The following IL31RA variants were observed in gnomAD, a reference collection of about 807,000 sequenced individuals.
IL31RA encodes the protein interleukin 31 receptor A, also known as interleukin-31 receptor subunit alpha.
A neutral mutation model predicts 83.7 loss-of-function variants in IL31RA; 66 were observed. The ratio of observed to expected loss-of-function variants is 0.79; its 90% CI spans 0.65 to 0.97. The LOEUF is 0.97. IL31RA is among the 50% of genes least tolerant of loss of function. The pLI is 0.00. For synonymous variants in IL31RA, 325 were observed against 329.0 expected (o/e 0.99, Z 0.13); for missense variants, 798 against 919.4 (o/e 0.87, Z 1.71).
chr5:55,856,401 G>C (rs1294892855), intron 1 of IL31RA, among the ~76,000 whole-genome samples: 1 of 152,182 alleles, frequency 6.6e-6, no homozygotes, highest in African/African-American at 2.4e-5. Flanking sequence ...ATTCAAAACT[G>C]CTGCATTTCA....
chr5:55,906,308 C>T lies in IL31RA; in HGVS notation c.1252+20C>T, dbSNP rs907427342. The T allele has an allele frequency of 1.9e-6, 3 of 1,611,326 alleles. No homozygotes were observed. The highest frequency in any genetic ancestry group is 1.3e-5 in the African/African-American group (1 of 74,850). On this transcript the variant is annotated intron_variant, in intron 9 of 14. Coordinates refer to ENST00000652347, the MANE Select transcript of IL31RA (RefSeq NM_139017.7). ...AGCAAGGTAGCCAGGGCGGAACTCA[C>T]AGGTTCCCTCAGTGCAGGGTTTGGT...
chr5:55,853,274 C>CTT, intron 1 of IL31RA: 6 of 1,133,482 alleles, frequency 5.3e-6, no homozygotes, highest in East Asian at 3.9e-5. Context: ...TCAGATGATC[C>CTT]TTTTTTTTTG....
At chr5:55,915,771 A>G (rs1749750173) in intron 14 of IL31RA, among the ~76,000 whole-genome samples, 1 of 152,246 alleles carries the variant, frequency 6.6e-6, no homozygotes, top group Admixed American at 6.5e-5. Flanking sequence ...TTTAGAGAGT[A>G]AATGGATTCA....
Position 55,863,336 on chromosome 5 carries a change from G to A in IL31RA, c.154+3737G>A, listed in dbSNP as rs138193918. Among the ~76,000 whole-genome samples the A allele has an allele frequency of 6.9e-3, 1,054 of 152,334 alleles. 6 individuals are homozygous for A. Among genetic ancestry groups the A allele is most frequent in the Middle Eastern group, 0.027 (8 of 294 alleles). ...ATTTAGGTATTAGTCAGGGAGAGTT[G>A]TTTATGCTGTAATAATAAACAAGCC... On this transcript the variant is annotated intron_variant, in intron 2 of 14. Coordinates refer to ENST00000652347, the MANE Select transcript of IL31RA (RefSeq NM_139017.7).
intron 5 of IL31RA, among the ~76,000 whole-genome samples, chr5:55,887,371 G>C (rs1302144937): frequency 6.6e-6 from 1 of 152,168 alleles, no homozygotes; most frequent in Non-Finnish European, 1.5e-5. Flanking sequence ...TGTGGCCCTA[G>C]TCTAAAGGGT....
intron 3 of IL31RA, among the ~76,000 whole-genome samples, 188 bp from the exon 4 acceptor site, chr5:55,872,082 C>T (rs1306016491): frequency 6.6e-6 from 1 of 152,054 alleles, no homozygotes; most frequent in Non-Finnish European, 1.5e-5. Flanking sequence ...CAGCAGAAAG[C>T]AGGTAACCTT....
intron 2 of IL31RA, among the ~76,000 whole-genome samples, chr5:55,868,279 G>A (rs1746309743): frequency 6.6e-6 from 1 of 152,124 alleles, no homozygotes; most frequent in Admixed American, 6.5e-5. Flanking sequence ...CTATGGGGTG[G>A]GGAGCTCTCA....
intron 6 of IL31RA, among the ~76,000 whole-genome samples, chr5:55,893,838 G>A (rs1263062115): frequency 6.9e-6 from 1 of 145,932 alleles, no homozygotes; most frequent in Admixed American, 6.8e-5. Context: ...TTGAGACGGG[G>A]TCTCACTCTG....
chr5:55,868,731 C>G (rs765982912), intron 2 of IL31RA, 60 bp from the exon 3 acceptor site: 3 of 966,994 alleles, frequency 3.1e-6, no homozygotes, highest in Non-Finnish European at 5.1e-6. Flanking sequence ...TCAATGCTGG[C>G]AATATTTATT....
intron 2 of IL31RA, among the ~76,000 whole-genome samples, chr5:55,867,304 C>CGTGTGTGTGTGTGTGTGCGTGT (rs70995742): frequency 4.2e-5 from 5 of 118,190 alleles, no homozygotes; most frequent in Non-Finnish European, 5.0e-5. Context: ...TGTGTGTGTG[C>CGTGTGTGTGTGTGTGTGCGTGT]GTGTGTGTGT....
At chr5:55,848,305 TTTA>T (rs1422073244), upstream of IL31RA, among the ~76,000 whole-genome samples, 1 of 152,224 alleles carries the variant, frequency 6.6e-6, no homozygotes, top group African/African-American at 2.4e-5. Flanking sequence ...TATGCAATCA[TTTA>T]TTAATATTAA....
In IL31RA at chr5:55,873,376, A is replaced by C. The variant is rs571385025; in HGVS notation, c.454+925A>C. On this transcript the variant is annotated intron_variant, in intron 4 of 14. Transcript: ENST00000652347. ...ATAATGTTGCTGTGAATATTTGTAT[A>C]CAATTTTTTGTGTGGACATGTTTCA... is the stretch of plus-strand genomic sequence containing the variant. Among the ~76,000 whole-genome samples the C allele has an allele frequency of 2.0e-5, 3 of 152,242 alleles. No homozygotes were observed. The East Asian group carries it at 5.8e-4, about 29-fold the overall frequency.
At position 55,903,571 on chromosome 5, in the gene IL31RA, C is replaced by A. The variant is rs756118894; in HGVS notation, c.1070-2535C>A. On this transcript the variant is annotated intron_variant, in intron 8 of 14. Transcript: ENST00000652347. This position sits in a 1 kb window ranked among gnomAD's most constrained non-coding sequence, Gnocchi z 4.7. Reference sequence around the variant, plus strand: ...TTGACTCATGGTTTCCTGGGGCCGGCGCCACGCCCCTGTGGTCTCCGCAGT... The same window carrying A: ...TTGACTCATGGTTTCCTGGGGCCGGAGCCACGCCCCTGTGGTCTCCGCAGT... Among the ~76,000 whole-genome samples the A allele has an allele frequency of 6.6e-6, 1 of 152,138 alleles. No homozygotes were observed. The highest frequency in any genetic ancestry group is 1.5e-5 in the Non-Finnish European group (1 of 68,040).
intron 8 of IL31RA, among the ~76,000 whole-genome samples, chr5:55,901,807 G>T (rs1478238486): frequency 1.3e-5 from 2 of 151,666 alleles, no homozygotes; most frequent in Non-Finnish European, 2.9e-5. Flanking sequence ...TAGCGACGGG[G>T]TTTCTCCATG....
chr5:55,884,284 A>G (rs1384832769), intron 5 of IL31RA, among the ~76,000 whole-genome samples: 2 of 152,166 alleles, frequency 1.3e-5, no homozygotes, highest in African/African-American at 2.4e-5. Context: ...TAATTTTAAT[A>G]TGGTTAGAGT....
upstream of IL31RA, among the ~76,000 whole-genome samples, chr5:55,849,216 CT>C (rs909281778): frequency 2.3e-3 from 334 of 146,344 alleles, no homozygotes; most frequent in African/African-American, 6.8e-3. Flanking sequence ...TTTCTTTTAG[CT>C]TTTTTTTTTT....
chr5:55,866,331 C>G (rs542878631), intron 2 of IL31RA, among the ~76,000 whole-genome samples: 1 of 152,002 alleles, frequency 6.6e-6, no homozygotes, highest in South Asian at 2.1e-4. Context: ...CACCAGGGAC[C>G]GGTTTCATGG....
In IL31RA at chr5:55,908,301, T is replaced by C. The variant is rs768525858; in HGVS notation, c.1391T>C (p.Ile464Thr). 17 of 1,614,048 alleles carry C rather than the reference T, an allele frequency of 1.1e-5. No homozygotes were observed. Among genetic ancestry groups the C allele is most frequent in the African/African-American group, 1.3e-5 (1 of 74,904 alleles). ...GGTCCTGAGACCAAGGTGGAGAACA[T>C]TGGCGTGAAGACGGTCACGATCACA... ...SEGPETKVEN[I>T]GVKTVTITWK... Residue 464 changes from isoleucine (I) to threonine (T), a missense_variant, in exon 11 of 15, where the codon ATT (isoleucine) becomes ACT (threonine). Physicochemically the swap from Ile to Thr is moderately conservative, Grantham distance 89. Transcript: ENST00000652347.
upstream of IL31RA, among the ~76,000 whole-genome samples, chr5:55,848,328 A>T (rs1744983283): frequency 6.6e-6 from 1 of 152,200 alleles, no homozygotes; most frequent in Admixed American, 6.5e-5. Context: ...ATATGAAGTA[A>T]TGTATATTTA....
Sources: allele counts gnomAD v4.1 joint callset (sites outside exome capture counted in the v4.1 genomes callset), GRCh38; gene constraint gnomAD v4.1.1; non-coding constraint Gnocchi (gnomAD v3.1); transcripts MANE v1.5; gene names NCBI Gene and HGNC (gene_info 2026-07-23, HGNC 2026-07-21).